Variants in ATRX observed in about 807,000 individuals in gnomAD.
The protein encoded by ATRX is chromatin remodeler ATRX.
In ATRX, 12 loss-of-function variants were observed where a neutral mutation model predicts 172.6. The ratio of observed to expected loss-of-function variants is 0.07; its 90% confidence interval spans 0.04 to 0.11. The LOEUF is 0.11. Ranked by LOEUF, ATRX falls within the 10% of genes least tolerant of loss-of-function variation. The pLI is 1.00. For missense variants in ATRX, 1,368 were observed against 1,767.4 expected (o/e 0.77, Z 4.05); for synonymous variants, 674 against 594.7 (o/e 1.13, Z -1.94).
intron 22 of ATRX, chrX:77,616,035 G>A: frequency 1.3e-6 from 1 of 753,237 alleles, no homozygotes; most frequent in Non-Finnish European, 1.6e-6. Flanking sequence ...CACACAAAAA[G>A]CTTATTGATG....
At chrX:77,770,060 G>A (rs984576221) in intron 1 of ATRX, among the ~76,000 whole-genome samples, 1 of 110,845 alleles carries the variant, frequency 9.0e-6, no homozygotes. Flanking sequence ...CTCCAGCCTA[G>A]GCAACAGAGC....
At chrX:77,539,440 T>G (rs2063882273) in intron 30 of ATRX, among the ~76,000 whole-genome samples, 2 of 111,107 alleles carry the variant, frequency 1.8e-5, no homozygotes, top group South Asian at 7.6e-4. Context: ...TACATCTAAT[T>G]TCTGATTTCT....
At chrX:77,510,412 G>A (rs191765961) in intron 34 of ATRX, among the ~76,000 whole-genome samples, 17 of 110,813 alleles carry the variant, frequency 1.5e-4, no homozygotes, top group African/African-American at 4.6e-4. Context: ...AAAAGAAGAC[G>A]AAAGAGTAAA....
At chrX:77,562,202 A>G (rs975544595) in intron 28 of ATRX, among the ~76,000 whole-genome samples, 1 of 112,386 alleles carries the variant, frequency 8.9e-6, no homozygotes, top group African/African-American at 3.2e-5. Context: ...TTATCCATTC[A>G]CATGTTAAAT....
At chrX:77,549,062 GAAC>G (rs782368619) in intron 30 of ATRX, among the ~76,000 whole-genome samples, 1 of 111,667 alleles carries the variant, frequency 9.0e-6, no homozygotes, top group Non-Finnish European at 1.9e-5. Context: ...TACTTAAGAG[GAAC>G]AAAACACCCA....
chrX:77,745,082 G>A (rs1306367072), intron 1 of ATRX, among the ~76,000 whole-genome samples: 1 of 105,859 alleles, frequency 9.4e-6, no homozygotes, highest in Non-Finnish European at 1.9e-5. Context: ...TGAAGTGGGT[G>A]GATCCCCTAA....
intron 7 of ATRX, 56 bp downstream of exon 7, chrX:77,688,762 T>G: frequency 1.0e-6 from 1 of 991,541 alleles, no homozygotes; most frequent in South Asian, 1.9e-5. Context: ...AAAGGCCTGG[T>G]ATATGGTAAG....
rs868912942 is a variant in ATRX, at chrX:77,785,532, C to T, written c.20+450G>A. Among the ~76,000 whole-genome samples, 13 of 107,549 alleles carry T rather than the reference C, an allele frequency of 1.2e-4. No homozygotes were observed. The South Asian group carries it at 1.3e-3, about 11-fold the overall frequency. The allele number at this position is 107,549 out of a possible 115,157, so 93.4% of individuals were successfully genotyped here. Reference sequence around the variant, plus strand: ...AGCAACCTAAACGCCTCTAAGTCGTCCTGGGATCTCACATCCTCGCGCCCG... The same window carrying T: ...AGCAACCTAAACGCCTCTAAGTCGTTCTGGGATCTCACATCCTCGCGCCCG... On this transcript the variant is annotated intron_variant, in intron 1 of 34. Coordinates refer to ENST00000373344, the MANE Select transcript of ATRX (RefSeq NM_000489.6).
chrX:77,507,743 A>G lies in ATRX; in HGVS notation c.*608T>C, dbSNP rs2062741072. 1 of 174,550 alleles carries G rather than the reference A, an allele frequency of 5.7e-6. No individual in the cohort carries two copies. 14.4% of individuals were successfully genotyped at this position (174,550 alleles called of 1,213,427 possible). A position where few individuals can be genotyped will look rare whatever the true frequency, so the allele number is the denominator to read the frequency against. ...ACTGCAAGACTTCTCCAACTTTTAG[A>G]GCAGTAGTATTTAAGAATATTGCAC... is the stretch of plus-strand genomic sequence containing the variant. On this transcript the variant is annotated 3_prime_UTR_variant, in exon 35 of 35. Coordinates refer to ENST00000373344, the MANE Select transcript of ATRX (RefSeq NM_000489.6).
In ATRX at chrX:77,633,620, C is replaced by A. The variant is rs2068211625; in HGVS notation, c.4902G>T (p.Trp1634Cys). ...VVCPLNTALN[W>C]MNEFEKWQEG... ...CTTGCCACTTCTCAAATTCATTCAT[C>A]CAATTCAAAGCAGTATTAAGAGGAC... The change falls in exon 18 of 35, where the codon TGG becomes TGT. Residue 1634 changes from tryptophan to cysteine, a missense_variant. Around this residue, in one of 17 missense-constraint regions of ATRX, gnomAD observed 17 missense variants for 22.8 expected, o/e 0.75. Coordinates refer to ENST00000373344, the MANE Select transcript of ATRX (RefSeq NM_000489.6). The A allele has an allele frequency of 8.3e-7, 1 of 1,210,030 alleles. No individual in the cohort carries two copies. Among genetic ancestry groups the A allele is most frequent in the Non-Finnish European group, 1.1e-6 (1 of 894,302 alleles).
Position 77,574,364 on chromosome X carries a change from A to G in ATRX, c.6218-6T>C. On this transcript the variant is annotated splice_region_variant and splice_polypyrimidine_tract_variant and intron_variant, in intron 27 of 34. Transcript: ENST00000373344. Reference sequence around the variant, plus strand: ...TCGAAGCCACTTCCCCTCACCTGAAAATTTAACAAAAGAACACAAAAGGAA... The same window carrying G: ...TCGAAGCCACTTCCCCTCACCTGAAGATTTAACAAAAGAACACAAAAGGAA... 1 of 1,159,328 alleles carries G rather than the reference A, an allele frequency of 8.6e-7. No individual in the cohort carries two copies. Among genetic ancestry groups the G allele is most frequent in the South Asian group, 1.8e-5 (1 of 55,718 alleles).
At chrX:77,603,912 GA>G (rs1399619726) in intron 22 of ATRX, among the ~76,000 whole-genome samples, 1 of 111,947 alleles carries the variant, frequency 8.9e-6, no homozygotes, top group African/African-American at 3.3e-5. Context: ...ATGGTTCTAA[GA>G]AAACTGGATT....
chrX:77,600,856 CTGAAGTAT>C, intron 22 of ATRX: 1 of 212,503 alleles, frequency 4.7e-6, no homozygotes, highest in Non-Finnish European at 8.6e-6. Context: ...ACCTAAAATT[CTGAAGTAT>C]TGATAAACAT....
chrX:77,715,586 ACTGT>A (rs1248762199), intron 2 of ATRX, among the ~76,000 whole-genome samples: 1 of 112,330 alleles, frequency 8.9e-6, no homozygotes, highest in African/African-American at 3.2e-5. Flanking sequence ...TGCCAGTGTT[ACTGT>A]TATTCCTTTG....
rs180681275 is a variant in ATRX, at chrX:77,738,544, T to C, written c.21-21301A>G. ...CAAAACTAACAATATGTTTTTTTTG[T>C]TTCTCTTTTGTGTCTTTTTTTTTTT... On this transcript the variant is annotated intron_variant, in intron 1 of 34. Transcript: ENST00000373344. Among the ~76,000 whole-genome samples the C allele has an allele frequency of 1.6e-3, 169 of 105,634 alleles. 1 individual carries two copies. Among genetic ancestry groups the C allele is most frequent in the African/African-American group, 5.5e-3 (159 of 29,084 alleles). 91.7% of individuals were successfully genotyped at this position (105,634 alleles called of 115,157 possible).
chrX:77,629,890 T>C (rs1419655633), intron 19 of ATRX, among the ~76,000 whole-genome samples: 1 of 112,347 alleles, frequency 8.9e-6, no homozygotes, highest in Non-Finnish European at 1.9e-5. Context: ...AAGATATTCA[T>C]ATTGGAAAGG....
chrX:77,527,659 G>A (rs2063427418), intron 30 of ATRX, among the ~76,000 whole-genome samples: 1 of 111,403 alleles, frequency 9.0e-6, no homozygotes, highest in Non-Finnish European at 1.9e-5. Context: ...ACATCCCTAG[G>A]AAGGGGTCTG....
intron 27 of ATRX, among the ~76,000 whole-genome samples, chrX:77,586,992 C>A (rs1339153706): frequency 9.2e-6 from 1 of 109,011 alleles, no homozygotes; most frequent in Non-Finnish European, 1.9e-5. Context: ...GAGGCAGAGG[C>A]TGTAGTGAGC....
chrX:77,740,077 A>AAAAAT (rs1350060024), intron 1 of ATRX, among the ~76,000 whole-genome samples: 3 of 55,231 alleles, frequency 5.4e-5, no homozygotes, highest in Admixed American at 3.0e-4. Flanking sequence ...AAAAAAAAAA[A>AAAAAT]TTTTTAAAAA....
Sources: gnomAD v4.1 joint callset for allele counts (sites outside exome capture counted in the v4.1 genomes callset) on GRCh38, gnomAD v4.1.1 for gene constraint, gnomAD v4.1.1 regional missense constraint, MANE v1.5 for transcripts, NCBI Gene and HGNC (gene_info 2026-07-23, HGNC 2026-07-21) for gene names.